The following BNC2 variants were observed in gnomAD, a reference collection of about 807,000 sequenced individuals.
The protein encoded by BNC2 is zinc finger protein basonuclin-2.
Under a neutral mutation model 76.3 loss-of-function variants are expected in BNC2, and 20 were observed. The ratio of observed to expected loss-of-function variants is 0.26; its 90% CI spans 0.18 to 0.38. The LOEUF is 0.38. BNC2 is among the 10% of genes least tolerant of loss of function. The pLI is 1.00. For missense variants in BNC2, 1,382 were observed against 1,399.8 expected (o/e 0.99, Z 0.20); for synonymous variants, 582 against 514.8 (o/e 1.13, Z -1.77).
chr9:16,609,991 C>A (rs969835822), intron 3 of BNC2, among the ~76,000 whole-genome samples: 3 of 152,132 alleles, frequency 2.0e-5, no homozygotes, highest in Non-Finnish European at 2.9e-5. Context: ...CTTAAGAAGG[C>A]AAATCACTTA....
chr9:16,465,785 G>A (rs1024769832), intron 5 of BNC2, among the ~76,000 whole-genome samples: 2 of 152,130 alleles, frequency 1.3e-5, no homozygotes. Context: ...GGAGATGACT[G>A]GTACAGAGTA....
At chr9:16,597,421 CTT>C (rs1230778371) in intron 3 of BNC2, among the ~76,000 whole-genome samples, 1 of 152,114 alleles carries the variant, frequency 6.6e-6, no homozygotes, top group Non-Finnish European at 1.5e-5. Flanking sequence ...TACATTTCAA[CTT>C]ATCACTTTTA....
intron 3 of BNC2, among the ~76,000 whole-genome samples, chr9:16,628,787 T>C (rs1821074048): frequency 6.6e-6 from 1 of 152,234 alleles, no homozygotes; most frequent in South Asian, 2.1e-4. Context: ...TTTACACAAA[T>C]GCACTTTTCC....
rs1366703304 is a variant in BNC2 at position 16,413,689 on chromosome 9, G to C, written c.*5300C>G. 2.1e-4 allele frequency: 32 copies of C among 152,202 alleles called. 2 individuals are homozygous for C. The highest frequency in any genetic ancestry group is 2.1e-3 in the Admixed American group (32 of 15,284). 9.4% of individuals were successfully genotyped at this position (152,202 alleles called of 1,614,324 possible). The stretch of plus-strand genomic sequence containing the variant: ...TATGGTGAGCAACACTCCAGCTACA[G>C]GAAATATGCGACTCGTCTGGGACAG... On this transcript the variant is annotated 3_prime_UTR_variant, in exon 7 of 7. Transcript: ENST00000380672.
At chr9:16,678,608 T>C (rs1026269457) in intron 3 of BNC2, among the ~76,000 whole-genome samples, 3 of 151,898 alleles carry the variant, frequency 2.0e-5, no homozygotes, top group Admixed American at 2.0e-4. Flanking sequence ...TCTCCAGTAA[T>C]TTTTTTAAAA....
rs1027072605 is a variant in BNC2, at chr9:16,419,637, G to A, written c.2652C>T (p.Asn884=). The A allele has an allele frequency of 2.9e-6, 4 of 1,369,436 alleles. No individual in the cohort carries two copies. The highest frequency in any genetic ancestry group is 3.9e-6 in the Non-Finnish European group (4 of 1,030,694). 84.8% of individuals were successfully genotyped at this position (1,369,436 alleles called of 1,614,324 possible). The change falls in exon 7 of 7, where the codon AAC becomes AAT. Residue 884 remains asparagine, a synonymous_variant. Transcript: ENST00000380672. ...TCAACAGTTTACGATGTAGGTTTAT[G>A]TTGGCACTGTGTCTAGGAAAACAAG... ...SRRSRDRHSA[N]INLHRKLLTK...
At chr9:16,474,888 C>G (rs1409755323) in intron 5 of BNC2, among the ~76,000 whole-genome samples, 1 of 152,092 alleles carries the variant, frequency 6.6e-6, no homozygotes, top group Non-Finnish European at 1.5e-5. Context: ...TGGGAGCTCT[C>G]TATCAAAAGG....
At chr9:16,861,519 T>C (rs1238335211) in intron 1 of BNC2, among the ~76,000 whole-genome samples, 3 of 152,078 alleles carry the variant, frequency 2.0e-5, no homozygotes, top group East Asian at 1.9e-4. Context: ...AATGGAGACA[T>C]GTCTCTGTTT....
chr9:16,681,266 T>A (rs1211875785), intron 3 of BNC2, among the ~76,000 whole-genome samples: 2 of 152,144 alleles, frequency 1.3e-5, no homozygotes, highest in African/African-American at 4.8e-5. Flanking sequence ...ACAATTAATT[T>A]CATACGGTGA....
chr9:16,678,179 A>G (rs993784314), intron 3 of BNC2, among the ~76,000 whole-genome samples: 5 of 151,752 alleles, frequency 3.3e-5, no homozygotes, highest in African/African-American at 1.2e-4. Flanking sequence ...GAAGGGGTGA[A>G]GGGAGATAAA....
intron 1 of BNC2, among the ~76,000 whole-genome samples, chr9:16,773,777 T>C (rs1451653506): frequency 3.3e-5 from 5 of 152,288 alleles, no homozygotes; most frequent in South Asian, 2.1e-4. Flanking sequence ...TCACCTTTCA[T>C]ACACCTACAT....
At chr9:16,773,905 C>G (rs527472485) in intron 1 of BNC2, among the ~76,000 whole-genome samples, 90 of 152,256 alleles carry the variant, frequency 5.9e-4, no homozygotes, top group African/African-American at 2.1e-3. Context: ...TATCCCACGC[C>G]CCCAATCTCA....
intron 1 of BNC2, among the ~76,000 whole-genome samples, chr9:16,768,709 A>G (rs7859111): frequency 0.89 from 135,321 of 152,190 alleles, 60,359 homozygotes; most frequent in East Asian, 0.99. Context: ...CTACCCTCAA[A>G]GAACTTTTAG....
intron 3 of BNC2, among the ~76,000 whole-genome samples, chr9:16,717,017 G>A (rs561085300): frequency 2.0e-5 from 3 of 152,242 alleles, no homozygotes; most frequent in South Asian, 2.1e-4. Flanking sequence ...AGAAAATACC[G>A]TAAACATGAA....
intron 6 of BNC2, chr9:16,435,171 AATATAAAT>A (rs1381621797): frequency 1.2e-5 from 5 of 411,148 alleles, no homozygotes; most frequent in Non-Finnish European, 2.4e-5. Flanking sequence ...GCAAAGCAGA[AATATAAAT>A]ATATAAATAT....
chr9:16,707,124 T>C (rs6651521), intron 3 of BNC2, among the ~76,000 whole-genome samples: 95,615 of 151,428 alleles, frequency 0.63, 33,293 homozygotes, highest in Non-Finnish European at 0.81. Context: ...ATGGTGTGAA[T>C]CCGGGAGGCG....
chr9:16,695,787 CAT>C (rs1418392014), intron 3 of BNC2, among the ~76,000 whole-genome samples: 1 of 152,108 alleles, frequency 6.6e-6, no homozygotes, highest in Non-Finnish European at 1.5e-5. Flanking sequence ...CCTTACCTCT[CAT>C]GTGAATTTCA....
At chr9:16,762,035 C>T (rs552272470) in intron 1 of BNC2, among the ~76,000 whole-genome samples, 40 of 152,246 alleles carry the variant, frequency 2.6e-4, no homozygotes, top group African/African-American at 9.4e-4. Context: ...GAGTCACCAA[C>T]ATCAGCTTCA....
At chr9:16,532,094 C>A (rs2132240862) in intron 5 of BNC2, among the ~76,000 whole-genome samples, 1 of 151,120 alleles carries the variant, frequency 6.6e-6, no homozygotes, top group Admixed American at 6.6e-5. Context: ...CATAAATTAT[C>A]AATATATCCT....
Sources: allele counts gnomAD v4.1 joint callset (sites outside exome capture counted in the v4.1 genomes callset), GRCh38; gene constraint gnomAD v4.1.1; transcripts MANE v1.5; gene names NCBI Gene and HGNC (gene_info 2026-07-23, HGNC 2026-07-21).